SOBP: variants seen among roughly 807,000 people sequenced by gnomAD.
SOBP encodes the protein sine oculis binding protein homolog.
A neutral mutation model predicts 53.6 loss-of-function variants in SOBP; 4 were observed. The ratio of observed to expected loss-of-function variants is 0.07; its 90% confidence interval spans 0.04 to 0.17. The LOEUF (loss-of-function observed/expected upper bound fraction) is 0.17. Ranked by LOEUF, SOBP falls within the 10% of genes least tolerant of loss-of-function variation. The probability of loss-of-function intolerance (pLI) is 1.00; values close to 1 mark genes in which losing one functional copy is unlikely to be tolerated. For missense variants in SOBP, 1,088 were observed against 1,204.7 expected, an observed-to-expected ratio of 0.90 and a Z score of 1.43; for synonymous variants, 584 against 522.6, an observed-to-expected ratio of 1.12 and a Z score of -1.60.
intron 5 of SOBP, among the ~76,000 whole-genome samples, chr6:107,593,837 C>T (rs1323661083): frequency 6.6e-6 from 1 of 152,168 alleles, no homozygotes; most frequent in Non-Finnish European, 1.5e-5. Context: ...AGTCTCCTCC[C>T]AGTTTGTTTG....
At chr6:107,573,542 A>T (rs935381655) in intron 4 of SOBP, among the ~76,000 whole-genome samples, 3 of 152,178 alleles carry the variant, frequency 2.0e-5, no homozygotes, top group African/African-American at 7.2e-5. Context: ...GCTGATGTTT[A>T]GGTTCTCCTT....
intron 5 of SOBP, among the ~76,000 whole-genome samples, chr6:107,633,005 TTG>T (rs1770783197): frequency 6.6e-6 from 1 of 152,158 alleles, no homozygotes; most frequent in Non-Finnish European, 1.5e-5. Context: ...GTTCAGCGCT[TTG>T]TGTTATTGGT....
chr6:107,599,116 G>C (rs1786056994), intron 5 of SOBP, among the ~76,000 whole-genome samples: 1 of 152,166 alleles, frequency 6.6e-6, no homozygotes, highest in Non-Finnish European at 1.5e-5. Context: ...AGACCATCTA[G>C]TGTGTATACC....
chr6:107,501,638 C>T (rs1359761509), intron 1 of SOBP, among the ~76,000 whole-genome samples: 1 of 152,096 alleles, frequency 6.6e-6, no homozygotes, highest in East Asian at 1.9e-4. Flanking sequence ...GAGATTTCTG[C>T]TGTGAGACCA....
rs902900734 is a variant in SOBP, at chr6:107,499,857, C to T, written c.97-3800C>T. Reference sequence around the variant, plus strand: ...AGTGGCTTGTTTTATTACTGAACATCCTTATCTCGAAAATCTGTCTGCATT... The same window carrying T: ...AGTGGCTTGTTTTATTACTGAACATTCTTATCTCGAAAATCTGTCTGCATT... On this transcript the variant is annotated intron_variant, in intron 1 of 6. Transcript: ENST00000317357. Among the ~76,000 whole-genome samples, 48 of 151,968 alleles carry T rather than the reference C, an allele frequency of 3.2e-4. 1 individual carries two copies. Among genetic ancestry groups the T allele is most frequent in the African/African-American group, 1.1e-3 (45 of 41,350 alleles).
intron 3 of SOBP, among the ~76,000 whole-genome samples, chr6:107,523,953 C>T (rs891457538): frequency 8.5e-5 from 13 of 152,164 alleles, no homozygotes; most frequent in Admixed American, 8.5e-4. Context: ...GTGCCTGGCA[C>T]GAAGTTGAGT....
intron 4 of SOBP, among the ~76,000 whole-genome samples, chr6:107,584,306 C>T (rs1377054399): frequency 6.7e-6 from 1 of 150,208 alleles, no homozygotes; most frequent in Non-Finnish European, 1.5e-5. Context: ...GCTGGGGTAG[C>T]GAATTCCTGT....
At chr6:107,490,733 C>G in intron 1 of SOBP, 21 bp downstream of exon 1, 1 of 1,541,776 alleles carries the variant, frequency 6.5e-7, no homozygotes, top group Non-Finnish European at 8.9e-7. Context: ...ATCTCGGGGG[C>G]CAGGGAGACT....
chr6:107,570,125 A>C (rs999487557), intron 4 of SOBP, among the ~76,000 whole-genome samples: 3 of 152,194 alleles, frequency 2.0e-5, no homozygotes, highest in Non-Finnish European at 4.4e-5. Context: ...GGTGAGAGCA[A>C]GTTGGTGTTT....
intron 5 of SOBP, among the ~76,000 whole-genome samples, chr6:107,622,581 G>A (rs1370801815): frequency 2.0e-5 from 3 of 152,174 alleles, no homozygotes; most frequent in African/African-American, 7.2e-5. Flanking sequence ...GGCACAAAAA[G>A]GTGAAAACAG....
intron 6 of SOBP, among the ~76,000 whole-genome samples, chr6:107,637,103 T>TA (rs1368635063): frequency 6.6e-6 from 1 of 152,162 alleles, no homozygotes; most frequent in Non-Finnish European, 1.5e-5. Context: ...GAAAGTTTCT[T>TA]AAAAAACAAA....
Position 107,633,939 on chromosome 6 carries a change from C to T in SOBP, c.1095C>T (p.Ser365=), listed in dbSNP as rs369691874. 9.3e-6 allele frequency: 15 copies of T among 1,614,112 alleles called. No individual in the cohort carries two copies. The highest frequency in any genetic ancestry group is 1.6e-4 in the Middle Eastern group (1 of 6,084). Reference sequence around the variant, plus strand: ...AGACTCCAAATATCCCTCCTGTCTCCGTCCAGCCACCTGCTAGCATCGGGC... The same window carrying T: ...AGACTCCAAATATCCCTCCTGTCTCTGTCCAGCCACCTGCTAGCATCGGGC... ...ISETPNIPPV[S]VQPPASIGPP... is the part of the protein sequence containing the mutation. Residue 365 remains serine (S), a synonymous_variant, in exon 6 of 7, where the codon TCC becomes TCT. Transcript: ENST00000317357.
intron 5 of SOBP, among the ~76,000 whole-genome samples, chr6:107,627,071 A>G (rs998354984): frequency 1.2e-4 from 19 of 152,198 alleles, no homozygotes; most frequent in African/African-American, 4.6e-4. Flanking sequence ...TTGATGTACG[A>G]TTGAATTTTT....
At chr6:107,494,989 A>G (rs142438668) in intron 1 of SOBP, among the ~76,000 whole-genome samples, 312 of 152,348 alleles carry the variant, frequency 2.0e-3, no homozygotes, top group African/African-American at 7.2e-3. Context: ...ATGGACTGGA[A>G]AAGTCAGCAA....
intron 4 of SOBP, among the ~76,000 whole-genome samples, chr6:107,535,250 CATATCT>C (rs1258913301): frequency 6.6e-6 from 1 of 152,092 alleles, no homozygotes; most frequent in African/African-American, 2.4e-5. Flanking sequence ...TCCAGAATAC[CATATCT>C]ATATCTATAT....
chr6:107,537,272 C>A (rs2114992956), intron 4 of SOBP, among the ~76,000 whole-genome samples: 1 of 152,292 alleles, frequency 6.6e-6, no homozygotes, highest in East Asian at 1.9e-4. Flanking sequence ...TTAGTCACTT[C>A]CAAATGGCCT....
chr6:107,511,120 C>G (rs1783157733), intron 3 of SOBP, among the ~76,000 whole-genome samples: 1 of 152,112 alleles, frequency 6.6e-6, no homozygotes, highest in Non-Finnish European at 1.5e-5. Context: ...GGTTAAATGG[C>G]TTTTTCAAGG....
chr6:107,492,326 G>A (rs772799557), intron 1 of SOBP, among the ~76,000 whole-genome samples: 1 of 152,162 alleles, frequency 6.6e-6, no homozygotes, highest in Admixed American at 6.5e-5. Flanking sequence ...GGGTGGGGAA[G>A]GGGGAGAGAG....
At chr6:107,562,172 A>G (rs2115026487) in intron 4 of SOBP, among the ~76,000 whole-genome samples, 1 of 152,042 alleles carries the variant, frequency 6.6e-6, no homozygotes, top group South Asian at 2.1e-4. Context: ...CTGGAATTAC[A>G]GGTGCATGCC....
Sources: gnomAD v4.1 joint callset for allele counts (sites outside exome capture counted in the v4.1 genomes callset) on GRCh38, gnomAD v4.1.1 for gene constraint, MANE v1.5 for transcripts, NCBI Gene and HGNC (gene_info 2026-07-23, HGNC 2026-07-21) for gene names.